TANC1: variants seen among roughly 807,000 people sequenced by gnomAD.
The protein encoded by TANC1 is protein TANC1.
In TANC1, 77 loss-of-function variants were observed where a neutral mutation model predicts 149.7. The ratio of observed to expected loss-of-function variants is 0.51; its 90% CI spans 0.43 to 0.62. The LOEUF (loss-of-function observed/expected upper bound fraction) is 0.62, where lower values mean the gene tolerates loss of function less well. Ranked by LOEUF, TANC1 falls within the 20% of genes least tolerant of loss-of-function variation. The pLI, the probability that TANC1 is intolerant of heterozygous loss-of-function variation, is 0.00. For synonymous variants in TANC1, 854 were observed against 925.0 expected (o/e 0.92, Z 1.39); for missense variants, 1,985 against 2,321.8 (o/e 0.85, Z 2.98).
intron 7 of TANC1, among the ~76,000 whole-genome samples, chr2:159,158,079 G>C (rs2032756): frequency 0.12 from 18,124 of 152,188 alleles, 1,367 homozygotes; most frequent in South Asian, 0.17. Flanking sequence ...AGAGAGGCCG[G>C]GCATGGTGGG....
At chr2:159,157,738 G>C (rs970290466) in intron 7 of TANC1, among the ~76,000 whole-genome samples, 1 of 152,054 alleles carries the variant, frequency 6.6e-6, no homozygotes, top group Non-Finnish European at 1.5e-5. Context: ...TTAATTCATT[G>C]GTCCAGTGTT....
At position 159,102,176 on chromosome 2, in the gene TANC1, A is replaced by G. The variant is rs140885942; in HGVS notation, c.259+4342A>G. On this transcript the variant is annotated intron_variant, in intron 4 of 26. Coordinates refer to ENST00000263635, the MANE Select transcript of TANC1 (RefSeq NM_033394.3). ...AATCTGGAAATCCCATCGAAAAAGA[A>G]CTACTGTGAACATCTTTTCTTCTAG... Among the ~76,000 whole-genome samples, 60 of 152,266 alleles carry G rather than the reference A, an allele frequency of 3.9e-4. No homozygotes were observed. The East Asian group carries it at 0.01, about 26-fold the overall frequency.
At chr2:159,080,962 C>G (rs1388024969) in intron 3 of TANC1, among the ~76,000 whole-genome samples, 1 of 152,198 alleles carries the variant, frequency 6.6e-6, no homozygotes, top group South Asian at 2.1e-4. Flanking sequence ...AGGTGGCAAG[C>G]TAATTTTCAC....
chr2:159,041,989 T>A (rs2040679092), intron 2 of TANC1, among the ~76,000 whole-genome samples: 1 of 152,204 alleles, frequency 6.6e-6, no homozygotes, highest in African/African-American at 2.4e-5. Flanking sequence ...GGTGACCACC[T>A]GGTTCATGTA....
intron 2 of TANC1, among the ~76,000 whole-genome samples, chr2:159,009,510 G>A (rs1445059547): frequency 7.2e-5 from 11 of 152,130 alleles, no homozygotes; most frequent in African/African-American, 9.7e-5. Context: ...GATAAATACC[G>A]CATGGTCTCA....
rs753195213 is a variant in TANC1 at position 159,150,424 on chromosome 2, G to A, written c.550G>A (p.Ala184Thr). 20 of 1,613,984 alleles carry A rather than the reference G, an allele frequency of 1.2e-5. No individual in the cohort carries two copies. Among genetic ancestry groups the A allele is most frequent in the Admixed American group, 1.7e-5 (1 of 59,994 alleles). Residue 184 changes from alanine to threonine, a missense_variant, in exon 7 of 27, where the codon GCA (alanine) becomes ACA (threonine). Ala to Thr is a moderately conservative substitution (Grantham distance 58). This residue lies in a region of TANC1 where 557 missense variants were observed against 612.9 expected (regional missense o/e 0.91). Coordinates refer to ENST00000263635, the MANE Select transcript of TANC1 (RefSeq NM_033394.3). ...TTGCTCCACACTAACAAGCAGCACC[G>A]CATCTCCTAGCACCGATAGCCCCTG... ...SPCSTLTSST[A>T]SPSTDSPCST...
intron 19 of TANC1, among the ~76,000 whole-genome samples, chr2:159,211,893 T>C (rs898940025): frequency 6.6e-6 from 1 of 152,226 alleles, no homozygotes; most frequent in Admixed American, 6.5e-5. Flanking sequence ...ACCAAATACA[T>C]AGCAAGGGTT....
At chr2:159,200,409 A>G (rs552027869) in intron 19 of TANC1, among the ~76,000 whole-genome samples, 1 of 152,334 alleles carries the variant, frequency 6.6e-6, no homozygotes, top group East Asian at 1.9e-4. Flanking sequence ...ATAGGGTGAC[A>G]CACAGTGAGA....
chr2:159,014,929 G>A (rs1226703315), intron 2 of TANC1, among the ~76,000 whole-genome samples: 1 of 152,212 alleles, frequency 6.6e-6, no homozygotes. Context: ...TGCATTCACA[G>A]GCTGGCATGA....
At chr2:158,986,992 A>G (rs970752465) in intron 1 of TANC1, among the ~76,000 whole-genome samples, 2 of 151,432 alleles carry the variant, frequency 1.3e-5, no homozygotes, top group African/African-American at 2.4e-5. Flanking sequence ...GTGAGGAGTG[A>G]TAGCCTGAGG....
chr2:159,077,532 G>A (rs1188063424), intron 3 of TANC1, among the ~76,000 whole-genome samples: 1 of 152,048 alleles, frequency 6.6e-6, no homozygotes, highest in Admixed American at 6.6e-5. Context: ...TGTGCATATG[G>A]ACACACATCA....
chr2:159,046,588 ACT>A (rs2041065319), intron 2 of TANC1, among the ~76,000 whole-genome samples: 1 of 54,592 alleles, frequency 1.8e-5, no homozygotes, highest in African/African-American at 7.6e-5. Flanking sequence ...TCTTTTCTTT[ACT>A]TTTTTTTTTT....
At position 159,043,117 on chromosome 2, in the gene TANC1, G is replaced by A. The variant is rs74702225; in HGVS notation, c.-15-22779G>A. On this transcript the variant is annotated intron_variant, in intron 2 of 26. Coordinates refer to ENST00000263635, the MANE Select transcript of TANC1 (RefSeq NM_033394.3). The stretch of plus-strand genomic sequence containing the variant: ...GATTCTCTTGGTTTTGCCAATCCCC[G>A]GTCACTCTGCTTTTACTGGGCTTGA... Among the ~76,000 whole-genome samples, 335 of 152,204 alleles carry A rather than the reference G, an allele frequency of 2.2e-3. 2 individuals are homozygous for A. The highest frequency in any genetic ancestry group is 3.4e-3 in the Non-Finnish European group (233 of 68,006).
In TANC1 at chr2:159,221,577, G is replaced by C. The variant is rs186988825; in HGVS notation, c.3678+1710G>C. ...CAACTTGTTTAGATTCCACATATAA[G>C]TGAGATCATGCTGTCTTTCCGTGCC... On this transcript the variant is annotated intron_variant, in intron 22 of 26. Transcript: ENST00000263635. Among the ~76,000 whole-genome samples, 8 of 152,214 alleles carry C rather than the reference G, an allele frequency of 5.3e-5. No homozygotes were observed. In the East Asian group the frequency reaches 1.5e-3, roughly 29 times the overall value.
At chr2:159,073,749 T>C (rs2043376813) in intron 3 of TANC1, among the ~76,000 whole-genome samples, 1 of 152,240 alleles carries the variant, frequency 6.6e-6, no homozygotes, top group Non-Finnish European at 1.5e-5. Flanking sequence ...CATCTTTGCT[T>C]TTCCATGTTT....
intron 9 of TANC1, among the ~76,000 whole-genome samples, 175 bp from the exon 10 acceptor site, chr2:159,170,349 T>C (rs946535822): frequency 6.6e-6 from 1 of 152,016 alleles, no homozygotes; most frequent in Admixed American, 6.5e-5. Flanking sequence ...TCCAATAGGG[T>C]ATGGTAATTG....
intron 7 of TANC1, 78 bp downstream of exon 7, chr2:159,150,634 G>A (rs143031417): frequency 2.6e-6 from 3 of 1,163,012 alleles, no homozygotes; most frequent in Admixed American, 1.8e-5. Context: ...TCCTCAGAGG[G>A]TTTTAGCATG....
chr2:159,059,318 A>G (rs1482574848), intron 2 of TANC1, among the ~76,000 whole-genome samples: 1 of 152,126 alleles, frequency 6.6e-6, no homozygotes, highest in Non-Finnish European at 1.5e-5. Flanking sequence ...AGCCTGGGCA[A>G]CCTAATGAGA....
chr2:159,155,802 A>G (rs539734086), intron 7 of TANC1, among the ~76,000 whole-genome samples: 71 of 152,370 alleles, frequency 4.7e-4, no homozygotes, highest in African/African-American at 1.6e-3. Flanking sequence ...AGTAGCTTGC[A>G]GTAAAATATT....
Sources: allele counts gnomAD v4.1 joint callset (sites outside exome capture counted in the v4.1 genomes callset), GRCh38; gene constraint gnomAD v4.1.1; regional missense constraint gnomAD v4.1.1; transcripts MANE v1.5; gene names NCBI Gene and HGNC (gene_info 2026-07-23, HGNC 2026-07-21).